The following ARMC2 variants were observed in gnomAD, a reference collection of about 807,000 sequenced individuals.
ARMC2 encodes armadillo repeat-containing protein 2.
In ARMC2, 67 loss-of-function variants were observed where a neutral mutation model predicts 90.3. That is an observed-to-expected ratio of 0.74 (90% CI 0.61 to 0.91). ARMC2 has a LOEUF of 0.91. ARMC2 is among the 40% of genes least tolerant of loss of function. ARMC2 has a pLI of 0.00. For synonymous variants in ARMC2, 393 were observed against 393.0 expected (o/e 1.00, Z 0.00); for missense variants, 920 against 1,030.9 (o/e 0.89, Z 1.47).
the ARMC2 span, among the ~76,000 whole-genome samples, chr6:109,039,048 GAGA>G: frequency 6.8e-6 from 1 of 146,978 alleles, no homozygotes; most frequent in African/African-American, 2.5e-5. Context: ...AAGAAGGAGG[GAGA>G]AGGAGAACAA....
chr6:108,887,815 T>C (rs945413141), intron 5 of ARMC2, among the ~76,000 whole-genome samples: 4 of 152,146 alleles, frequency 2.6e-5, no homozygotes, highest in Admixed American at 1.3e-4. Flanking sequence ...TTTAATAATA[T>C]GGAACAGGAA....
intron 10 of ARMC2, among the ~76,000 whole-genome samples, chr6:108,924,288 C>T (rs1423010967): frequency 1.3e-5 from 2 of 151,976 alleles, no homozygotes; most frequent in South Asian, 2.1e-4. Flanking sequence ...GAGGCCGAGG[C>T]GGGCGGATCA....
chr6:108,953,025 T>G lies in ARMC2; in HGVS notation c.1597-8T>G. On this transcript the variant is annotated splice_polypyrimidine_tract_variant and splice_region_variant and intron_variant, in intron 12 of 17. Coordinates refer to ENST00000392644, the MANE Select transcript of ARMC2 (RefSeq NM_032131.6). ...TGCACTTTTGACTCTGTCTTTCGTT[T>G]ATTGCAGGATTTAGTCGTCCGTGTT... 1 of 1,599,186 alleles carries G rather than the reference T, an allele frequency of 6.3e-7. No individual in the cohort carries two copies. The highest frequency in any genetic ancestry group is 8.5e-7 in the Non-Finnish European group (1 of 1,171,464).
At chr6:109,044,574 C>G in the ARMC2 span, among the ~76,000 whole-genome samples, 1 of 152,064 alleles carries the variant, frequency 6.6e-6, no homozygotes, top group Non-Finnish European at 1.5e-5. Context: ...ATATCTACAT[C>G]TAGATCACCC....
the ARMC2 span, chr6:108,986,550 T>C: frequency 1.3e-5 from 2 of 152,770 alleles, no homozygotes; most frequent in South Asian, 4.1e-4. Flanking sequence ...TCAAACCTGT[T>C]TGCATTTCAA....
chr6:108,937,135 C>A, intron 12 of ARMC2, 136 bp downstream of exon 12: 1 of 687,314 alleles, frequency 1.5e-6, no homozygotes, highest in Non-Finnish European at 2.3e-6. Flanking sequence ...ATGGGCTGTC[C>A]TGGGAAGCAG....
chr6:109,011,730 G>A, the ARMC2 span, among the ~76,000 whole-genome samples: 1 of 151,452 alleles, frequency 6.6e-6, no homozygotes, highest in Non-Finnish European at 1.5e-5. Context: ...CAGGGCTCAA[G>A]TGATCCTCCC....
At chr6:109,039,166 A>G in the ARMC2 span, among the ~76,000 whole-genome samples, 15 of 151,730 alleles carry the variant, frequency 9.9e-5, no homozygotes, top group African/African-American at 3.6e-4. Flanking sequence ...GGAGGAGGAG[A>G]AGAAAGAAGA....
In ARMC2 at chr6:108,912,512, A is replaced by G; in HGVS notation, c.1304A>G (p.Lys435Arg). The change falls in exon 10 of 18, where the codon AAG (lysine) becomes AGG (arginine). Residue 435 changes from lysine (K) to arginine (R), a missense_variant. Lys to Arg is a conservative substitution (Grantham distance 26). Transcript: ENST00000392644. Reference protein sequence around the residue: ...NLIKQINENIKKCGTFLPNSG... With the variant: ...NLIKQINENIRKCGTFLPNSG... ...ATAAAACAAATAAATGAGAACATCA[A>G]GAAATGTGGTACATTTTTGCCTAAT... 6.2e-7 allele frequency: 1 copy of G among 1,614,052 alleles called. No homozygotes were observed. Among genetic ancestry groups the G allele is most frequent in the Non-Finnish European group, 8.5e-7 (1 of 1,179,880 alleles).
intron 13 of ARMC2, among the ~76,000 whole-genome samples, chr6:108,956,015 G>A (rs948200782): frequency 6.6e-6 from 1 of 152,194 alleles, no homozygotes; most frequent in Admixed American, 6.5e-5. Context: ...GCCCCCAGGT[G>A]AGCCTTTTGC....
chr6:108,908,240 A>G (rs548214321), intron 8 of ARMC2, among the ~76,000 whole-genome samples: 52 of 152,322 alleles, frequency 3.4e-4, no homozygotes, highest in African/African-American at 1.2e-3. Context: ...CAAAGTGTGA[A>G]CGACAACACC....
intron 4 of ARMC2, among the ~76,000 whole-genome samples, chr6:108,875,026 C>G (rs926269721): frequency 2.6e-5 from 4 of 152,084 alleles, no homozygotes; most frequent in Admixed American, 6.5e-5. Context: ...AAAAATCTTG[C>G]AAAACAGTAA....
At chr6:108,907,052 C>T (rs1342168612) in intron 8 of ARMC2, among the ~76,000 whole-genome samples, 6 of 152,232 alleles carry the variant, frequency 3.9e-5, no homozygotes, top group East Asian at 3.9e-4. Flanking sequence ...AATGGAGAAG[C>T]GGTACAAATT....
chr6:108,918,034 A>G (rs1047947704), intron 10 of ARMC2, among the ~76,000 whole-genome samples: 12 of 152,162 alleles, frequency 7.9e-5, no homozygotes, highest in African/African-American at 2.9e-4. Context: ...TCAAGTAGGA[A>G]GTAGGAGATA....
the ARMC2 span, among the ~76,000 whole-genome samples, chr6:108,995,332 ATG>A: frequency 2.0e-5 from 3 of 152,194 alleles, no homozygotes; most frequent in African/African-American, 7.2e-5. Flanking sequence ...CATATTGTCA[ATG>A]TGTCTATCAT....
the ARMC2 span, among the ~76,000 whole-genome samples, chr6:109,031,305 G>A: frequency 6.6e-6 from 1 of 152,212 alleles, no homozygotes; most frequent in Non-Finnish European, 1.5e-5. Context: ...TCTCAGCAGT[G>A]GTACAAAGGA....
intron 3 of ARMC2, among the ~76,000 whole-genome samples, chr6:108,865,398 G>A (rs1437695119): frequency 1.3e-5 from 2 of 152,158 alleles, no homozygotes; most frequent in African/African-American, 2.4e-5. Flanking sequence ...ACTCCACAGC[G>A]TGAAAGAACA....
the ARMC2 span, chr6:109,009,598 C>T: frequency 9.5e-7 from 1 of 1,048,480 alleles, no homozygotes; most frequent in South Asian, 4.6e-5. Context: ...CGCGGCCCCG[C>T]CCCGCGCCCG....
At chr6:109,026,833 G>A in the ARMC2 span, among the ~76,000 whole-genome samples, 1 of 152,086 alleles carries the variant, frequency 6.6e-6, no homozygotes, top group South Asian at 2.1e-4. Flanking sequence ...CTGCCAAACT[G>A]TTTTCCAAAG....
Sources: allele counts gnomAD v4.1 joint callset (sites outside exome capture counted in the v4.1 genomes callset), GRCh38; gene constraint gnomAD v4.1.1; transcripts MANE v1.5; gene names NCBI Gene and HGNC (gene_info 2026-07-23, HGNC 2026-07-21).